The following CALN1 variants were observed in gnomAD, a reference collection of about 807,000 sequenced individuals.
CALN1 encodes calcium-binding protein 8.
A neutral mutation model predicts 30.6 loss-of-function variants in CALN1; 17 were observed. The ratio of observed to expected loss-of-function variants is 0.56; its 90% CI spans 0.38 to 0.83. The LOEUF is 0.83. Among genes scored for constraint, CALN1 ranks in the 40% least tolerant of loss-of-function variants. CALN1 has a pLI of 0.00. For missense variants in CALN1, 291 were observed against 354.9 expected (o/e 0.82, Z 1.45); for synonymous variants, 156 against 131.4 (o/e 1.19, Z -1.28).
intron 3 of CALN1, among the ~76,000 whole-genome samples, chr7:72,193,924 A>G (rs1280793722): frequency 2.0e-5 from 3 of 152,150 alleles, no homozygotes; most frequent in South Asian, 2.1e-4. Context: ...ATGCAAAGGC[A>G]TAAGAATAAT....
upstream of CALN1, among the ~76,000 whole-genome samples, chr7:72,451,349 G>A (rs536146973): frequency 3.7e-3 from 476 of 128,300 alleles, 3 homozygotes; most frequent in African/African-American, 0.014. Context: ...GGAGGGAGAA[G>A]AAGAGAAAAA....
intron 2 of CALN1, among the ~76,000 whole-genome samples, chr7:72,366,530 G>C (rs1249286620): frequency 1.0e-5 from 1 of 100,454 alleles, no homozygotes; most frequent in Non-Finnish European, 1.9e-5. Flanking sequence ...GTAGTTTTTG[G>C]GTGCATGGAT....
At position 71,801,391 on chromosome 7, in the gene CALN1, T is replaced by TGTAC. The variant is rs1584248242; in HGVS notation, c.658+8944_658+8945insGTAC. ...CCATGCCTGGTTATGTATGTATGTA[T>TGTAC]GTATGTATGTATGTATGTATGTATG... On this transcript the variant is annotated intron_variant, in intron 6 of 6. Coordinates refer to ENST00000395275, the MANE Select transcript of CALN1 (RefSeq NM_031468.4). Among the ~76,000 whole-genome samples, 3 of 107,786 alleles carry TGTAC rather than the reference T, an allele frequency of 2.8e-5. No homozygotes were observed. The East Asian group carries it at 8.7e-4, about 31-fold the overall frequency. The allele number at this position is 107,786 out of a possible 152,430, so 70.7% of individuals were successfully genotyped here. A position where few individuals can be genotyped will look rare whatever the true frequency, so the allele number is the denominator to read the frequency against.
chr7:72,341,251 G>A (rs557339426), intron 2 of CALN1, among the ~76,000 whole-genome samples: 9 of 152,288 alleles, frequency 5.9e-5, no homozygotes, highest in East Asian at 3.9e-4. Context: ...GGCCAAGCAC[G>A]GTGGCTGAAG....
At chr7:72,181,887 T>C (rs7783557) in intron 3 of CALN1, among the ~76,000 whole-genome samples, 41,248 of 152,148 alleles carry the variant, frequency 0.27, 6,371 homozygotes, top group Non-Finnish European at 0.35. Flanking sequence ...TCACGAGCAT[T>C]TACTGGGTCC....
At chr7:72,089,058 T>C (rs1805676835) in intron 4 of CALN1, among the ~76,000 whole-genome samples, 3 of 152,044 alleles carry the variant, frequency 2.0e-5, no homozygotes, top group Non-Finnish European at 2.9e-5. Flanking sequence ...AGAGACAAGA[T>C]AAGTGTTTCT....
rs940071363 is a variant in CALN1 at position 71,851,567 on chromosome 7, C to T, written c.502-41075G>A. ...ATACATATATATATGAATATATACA[C>T]ACACATATATATATTCACTAAAAGC... On this transcript the variant is annotated intron_variant, in intron 5 of 6. Coordinates refer to ENST00000395275, the MANE Select transcript of CALN1 (RefSeq NM_031468.4). Among the ~76,000 whole-genome samples the T allele has an allele frequency of 2.0e-5, 3 of 151,658 alleles. No homozygotes were observed. The East Asian group carries it at 5.8e-4, about 29-fold the overall frequency.
At position 72,256,715 on chromosome 7, in the gene CALN1, T is replaced by G. The variant is rs201200393; in HGVS notation, c.244+21971A>C. Among the ~76,000 whole-genome samples the G allele has an allele frequency of 2.6e-5, 4 of 152,090 alleles. No homozygotes were observed. The East Asian group carries it at 7.8e-4, about 29-fold the overall frequency. On this transcript the variant is annotated intron_variant, in intron 3 of 6. Coordinates refer to ENST00000395275, the MANE Select transcript of CALN1 (RefSeq NM_031468.4). ...TCAAACTCCTGGGCTCAAGCAATCC[T>G]CCTGCCTCAGCCTTCCAAAGTGCTG...
chr7:72,082,285 C>A (rs17144331), intron 4 of CALN1, among the ~76,000 whole-genome samples: 1 of 152,194 alleles, frequency 6.6e-6, no homozygotes, highest in Non-Finnish European at 1.5e-5. Flanking sequence ...CTCGCTCCGC[C>A]GGAACAAACT....
chr7:72,268,040 A>G (rs1796710118), intron 3 of CALN1, among the ~76,000 whole-genome samples: 1 of 152,198 alleles, frequency 6.6e-6, no homozygotes, highest in Non-Finnish European at 1.5e-5. Context: ...AAAAATTAAT[A>G]GTATATGCAT....
intron 3 of CALN1, among the ~76,000 whole-genome samples, chr7:72,120,149 C>T (rs79788848): frequency 0.025 from 3,824 of 151,746 alleles, 92 homozygotes; most frequent in Middle Eastern, 0.071. Flanking sequence ...ATCTCCAACA[C>T]GTATTTTTCA....
At chr7:72,367,866 G>A (rs541689274) in intron 2 of CALN1, among the ~76,000 whole-genome samples, 112 of 152,020 alleles carry the variant, frequency 7.4e-4, no homozygotes, top group African/African-American at 2.5e-3. Flanking sequence ...GGGTCCAGTG[G>A]CTCACACCTG....
chr7:72,237,125 C>A (rs374430558), intron 3 of CALN1, among the ~76,000 whole-genome samples: 3 of 152,142 alleles, frequency 2.0e-5, no homozygotes, highest in East Asian at 3.9e-4. Context: ...GCTGAGATTA[C>A]AGGCATGTGC....
the CALN1 span, among the ~76,000 whole-genome samples, chr7:72,494,063 T>C: frequency 6.6e-6 from 1 of 152,092 alleles, no homozygotes; most frequent in Non-Finnish European, 1.5e-5. Context: ...TGGTGGTGCA[T>C]GCCTGTAGGC....
At chr7:72,146,121 G>C (rs1226545372) in intron 3 of CALN1, among the ~76,000 whole-genome samples, 4 of 152,164 alleles carry the variant, frequency 2.6e-5, no homozygotes, top group African/African-American at 9.7e-5. Flanking sequence ...GTTCTGGCCA[G>C]GGCAATCAGG....
chr7:71,912,452 AG>A (rs1794473570), intron 5 of CALN1, among the ~76,000 whole-genome samples: 1 of 152,198 alleles, frequency 6.6e-6, no homozygotes, highest in African/African-American at 2.4e-5. Flanking sequence ...GATACCTTGC[AG>A]CAACTTAAAA....
intron 3 of CALN1, among the ~76,000 whole-genome samples, chr7:72,189,661 C>T (rs1282939209): frequency 6.6e-6 from 1 of 151,338 alleles, no homozygotes; most frequent in African/African-American, 2.4e-5. Context: ...CCAGCTACTC[C>T]GGAGGCTGAG....
chr7:72,054,450 T>TATATACATACATATATATACAC (rs1563015511), intron 4 of CALN1, among the ~76,000 whole-genome samples: 1 of 57,440 alleles, frequency 1.7e-5, no homozygotes, highest in Non-Finnish European at 5.2e-5. Context: ...TATATATACA[T>TATATACATACATATATATACAC]ATATATACAT....
chr7:71,810,889 C>T (rs12699096), intron 5 of CALN1, among the ~76,000 whole-genome samples: 127,635 of 150,138 alleles, frequency 0.85, 54,370 homozygotes, highest in East Asian at 1. Flanking sequence ...TTGGTTTAAG[C>T]ATGTATCTTT....
Sources: gnomAD v4.1 joint callset for allele counts (sites outside exome capture counted in the v4.1 genomes callset) on GRCh38, gnomAD v4.1.1 for gene constraint, MANE v1.5 for transcripts, NCBI Gene and HGNC (gene_info 2026-07-23, HGNC 2026-07-21) for gene names.